The following GBE1 variants were observed in gnomAD, a reference collection of about 807,000 sequenced individuals.
GBE1 encodes 1,4-alpha-glucan-branching enzyme.
In GBE1, 70 loss-of-function variants were observed where a neutral mutation model predicts 88.8. The ratio of observed to expected loss-of-function variants is 0.79; its 90% CI spans 0.65 to 0.96. The LOEUF (loss-of-function observed/expected upper bound fraction) is 0.96, where lower values mean the gene tolerates loss of function less well. Ranked by LOEUF, GBE1 falls within the 40% of genes least tolerant of loss-of-function variation. The probability of loss-of-function intolerance (pLI) is 0.00; values close to 1 mark genes in which losing one functional copy is unlikely to be tolerated. For missense variants in GBE1, 872 were observed against 871.0 expected (o/e 1.00, Z -0.01); for synonymous variants, 284 against 300.1 (o/e 0.95, Z 0.56).
intron 7 of GBE1, among the ~76,000 whole-genome samples, chr3:81,613,715 A>G (rs1704211538): frequency 6.6e-6 from 1 of 152,172 alleles, no homozygotes; most frequent in South Asian, 2.1e-4. Context: ...TTCAAAATAA[A>G]TCCTCCCCTA....
chr3:81,490,285 A>G lies in GBE1; in HGVS notation c.*122T>C. Reference sequence around the variant, plus strand: ...TGCATAAACCAATATTGAATTTCAGACACTTGATGGCTTGGCTAGACAACT... The same window carrying G: ...TGCATAAACCAATATTGAATTTCAGGCACTTGATGGCTTGGCTAGACAACT... On this transcript the variant is annotated 3_prime_UTR_variant, in exon 16 of 16. Coordinates refer to ENST00000429644, the MANE Select transcript of GBE1 (RefSeq NM_000158.4). The G allele has an allele frequency of 1.3e-6, 1 of 799,720 alleles. No homozygotes were observed. The highest frequency in any genetic ancestry group is 2.1e-6 in the Non-Finnish European group (1 of 470,874). The allele number at this position is 799,720 out of a possible 1,614,324, so 49.5% of individuals were successfully genotyped here.
chr3:81,579,919 G>A (rs534979566), intron 11 of GBE1, among the ~76,000 whole-genome samples: 3 of 152,190 alleles, frequency 2.0e-5, no homozygotes, highest in East Asian at 1.9e-4. Context: ...AGGAGAATAC[G>A]TAAACAAATC....
intron 2 of GBE1, among the ~76,000 whole-genome samples, chr3:81,702,678 T>C (rs1459092026): frequency 1.3e-5 from 2 of 152,028 alleles, no homozygotes; most frequent in Non-Finnish European, 2.9e-5. Context: ...ATGCAATACA[T>C]CTTTATAAAG....
At position 81,761,599 on chromosome 3, in the gene GBE1, C is replaced by G. The variant is rs779968607; in HGVS notation, c.-82G>C. 6.7e-7 allele frequency: 1 copy of G among 1,494,044 alleles called. No individual in the cohort carries two copies. The highest frequency in any genetic ancestry group is 8.9e-7 in the Non-Finnish European group (1 of 1,118,404). The allele number at this position is 1,494,044 out of a possible 1,614,324, so 92.5% of individuals were successfully genotyped here. The stretch of plus-strand genomic sequence containing the variant: ...CGCTGGAGCTCTAGCTGGGACGCGG[C>G]GGCTAGGGCGGAGCCGGAGGGCGCC... On this transcript the variant is annotated 5_prime_UTR_variant, in exon 1 of 16. Coordinates refer to ENST00000429644, the MANE Select transcript of GBE1 (RefSeq NM_000158.4).
intron 1 of GBE1, among the ~76,000 whole-genome samples, chr3:81,723,256 G>GTTTTTT (rs200055419): frequency 8.2e-6 from 1 of 121,992 alleles, no homozygotes; most frequent in Admixed American, 8.0e-5. Context: ...AATAAAAGTT[G>GTTTTTT]TTTTGTTTTT....
chr3:81,642,787 T>C lies in GBE1; in HGVS notation c.986A>G (p.Tyr329Cys), dbSNP rs80338671. 5.5e-4 allele frequency: 883 copies of C among 1,597,402 alleles called. 5 individuals are homozygous for C. In the Middle Eastern group the frequency reaches 0.011, roughly 20 times the overall value. ...HDLWDSRLFA[Y>C]SSWEILRFLL... ...CTATATTGTATGTACCTACCTGGAGTAGGCAAACAATCTGCTATCCCAAAG... is the reference window on the plus strand; with the variant it reads ...CTATATTGTATGTACCTACCTGGAGCAGGCAAACAATCTGCTATCCCAAAG... The change falls in exon 7 of 16, where the codon TAC becomes TGC. Residue 329 changes from tyrosine (Y) to cysteine (C), a missense_variant. By Grantham distance (194) the Tyr-to-Cys change is radical. Coordinates refer to ENST00000429644, the MANE Select transcript of GBE1 (RefSeq NM_000158.4).
At chr3:81,569,778 T>A (rs1484989868) in intron 12 of GBE1, among the ~76,000 whole-genome samples, 1 of 152,178 alleles carries the variant, frequency 6.6e-6, no homozygotes, top group Non-Finnish European at 1.5e-5. Flanking sequence ...TGATTTCTAA[T>A]AAAGAAAATA....
intron 7 of GBE1, among the ~76,000 whole-genome samples, chr3:81,640,490 T>G (rs1448422818): frequency 2.6e-5 from 4 of 152,096 alleles, no homozygotes; most frequent in Non-Finnish European, 4.4e-5. Flanking sequence ...TCCCTACTTT[T>G]GAGGTTTGGG....
chr3:81,533,510 T>C (rs948997369), intron 14 of GBE1, among the ~76,000 whole-genome samples: 1 of 152,052 alleles, frequency 6.6e-6, no homozygotes, highest in Non-Finnish European at 1.5e-5. Context: ...CATCTCTCTT[T>C]GCCCTCAATG....
Position 81,665,711 on chromosome 3 carries a change from G to C in GBE1, c.429+5127C>G, listed in dbSNP as rs139691027. ...ATAATCTGTAGGCAAAGTTACAAAG[G>C]AGTACACAGAAAAAACAAAAACCAC... On this transcript the variant is annotated intron_variant, in intron 3 of 15. Transcript: ENST00000429644. 1.2e-3 allele frequency among the ~76,000 whole-genome samples: 180 copies of C among 152,116 alleles called. No individual in the cohort carries two copies. The Middle Eastern group carries it at 0.017, about 14-fold the overall frequency.
intron 1 of GBE1, among the ~76,000 whole-genome samples, chr3:81,738,070 A>C (rs1477742061): frequency 4.0e-5 from 6 of 151,802 alleles, no homozygotes; most frequent in South Asian, 2.1e-4. Flanking sequence ...TGTCCCTACA[A>C]AGGACATGAA....
At chr3:81,760,683 G>A (rs932963083) in intron 1 of GBE1, among the ~76,000 whole-genome samples, 8 of 152,218 alleles carry the variant, frequency 5.3e-5, no homozygotes, top group African/African-American at 1.4e-4. Flanking sequence ...AATGGTAGAA[G>A]ACAAGCTAAA....
At chr3:81,696,212 C>T (rs1178553839) in intron 2 of GBE1, among the ~76,000 whole-genome samples, 9 of 152,164 alleles carry the variant, frequency 5.9e-5, no homozygotes, top group Admixed American at 5.9e-4. Flanking sequence ...CCAGACCAAG[C>T]GTCAAGACTA....
At chr3:81,496,986 T>C (rs1022773992) in intron 15 of GBE1, among the ~76,000 whole-genome samples, 3 of 152,188 alleles carry the variant, frequency 2.0e-5, no homozygotes, top group East Asian at 1.9e-4. Flanking sequence ...CATTCAGCTC[T>C]TTTCTGTTTC....
chr3:81,647,797 T>C (rs945946397), intron 5 of GBE1, among the ~76,000 whole-genome samples: 2 of 152,140 alleles, frequency 1.3e-5, no homozygotes, highest in African/African-American at 4.8e-5. Flanking sequence ...GGCTGATACC[T>C]TGTATCAAGC....
intron 14 of GBE1, among the ~76,000 whole-genome samples, chr3:81,509,217 T>A (rs1383676663): frequency 1.3e-5 from 2 of 151,920 alleles, no homozygotes; most frequent in African/African-American, 4.8e-5. Flanking sequence ...ATTTAAAAAT[T>A]TTTACATTAA....
chr3:81,592,153 G>A (rs536243080), intron 8 of GBE1, among the ~76,000 whole-genome samples: 13 of 152,154 alleles, frequency 8.5e-5, no homozygotes, highest in Middle Eastern at 3.4e-3. Flanking sequence ...GTGTGTGCGC[G>A]CGTGTGTGTG....
chr3:81,756,986 ACT>A (rs1706612470), intron 1 of GBE1, among the ~76,000 whole-genome samples: 1 of 151,988 alleles, frequency 6.6e-6, no homozygotes, highest in Non-Finnish European at 1.5e-5. Flanking sequence ...TAAATCTGTC[ACT>A]CTTCTGATAA....
chr3:81,565,027 C>T (rs761740553), intron 12 of GBE1, among the ~76,000 whole-genome samples: 14 of 152,150 alleles, frequency 9.2e-5, no homozygotes, highest in Non-Finnish European at 1.6e-4. Context: ...ACTCCTAGTG[C>T]AATGTCATGC....
Sources: gnomAD v4.1 joint callset for allele counts (sites outside exome capture counted in the v4.1 genomes callset) on GRCh38, gnomAD v4.1.1 for gene constraint, MANE v1.5 for transcripts, NCBI Gene and HGNC (gene_info 2026-07-23, HGNC 2026-07-21) for gene names.